The following FRMD6 variants were observed in gnomAD, a reference collection of about 807,000 sequenced individuals.
FRMD6 encodes the protein FERM domain containing 6, also known as FERM domain-containing protein 6.
A neutral mutation model predicts 73.2 loss-of-function variants in FRMD6; 37 were observed. That is an observed-to-expected ratio of 0.51 (90% confidence interval 0.39 to 0.66). The LOEUF is 0.66. Among genes scored for constraint, FRMD6 ranks in the 30% least tolerant of loss-of-function variants. FRMD6 has a pLI of 0.00. For missense variants in FRMD6, 714 were observed against 780.5 expected (o/e 0.91, Z 1.02); for synonymous variants, 273 against 282.2 (o/e 0.97, Z 0.33).
intron 1 of FRMD6, among the ~76,000 whole-genome samples, chr14:51,683,445 A>ATT (rs34525926): frequency 6.8e-6 from 1 of 146,340 alleles, no homozygotes; most frequent in Non-Finnish European, 1.5e-5. Context: ...ATGCTCAGCT[A>ATT]TTTTTTTTTT....
the FRMD6 span, among the ~76,000 whole-genome samples, chr14:51,447,332 C>A: frequency 6.6e-6 from 1 of 152,100 alleles, no homozygotes; most frequent in South Asian, 2.1e-4. Context: ...AGAGCTTTAT[C>A]AGCCTTGAAG....
chr14:51,520,667 GC>G (rs1002414486), intron 1 of FRMD6, among the ~76,000 whole-genome samples: 2 of 152,194 alleles, frequency 1.3e-5, no homozygotes, highest in African/African-American at 4.8e-5. Context: ...GAAGGCTGAG[GC>G]AGGTGGGTCC....
At chr14:51,598,657 T>A (rs1889851846) in intron 2 of FRMD6, among the ~76,000 whole-genome samples, 1 of 152,178 alleles carries the variant, frequency 6.6e-6, no homozygotes, top group African/African-American at 2.4e-5. Context: ...AGTGAGAACA[T>A]GTGGTATTTG....
chr14:51,593,314 T>C (rs1241950584), intron 2 of FRMD6, among the ~76,000 whole-genome samples: 1 of 152,236 alleles, frequency 6.6e-6, no homozygotes, highest in African/African-American at 2.4e-5. Flanking sequence ...AGAAACATGC[T>C]GACCTTCTTC....
At chr14:51,518,576 C>T (rs1274846839) in intron 1 of FRMD6, among the ~76,000 whole-genome samples, 2 of 152,220 alleles carry the variant, frequency 1.3e-5, no homozygotes, top group Admixed American at 6.5e-5. Context: ...GTACTAAATA[C>T]TATTATAATG....
At chr14:51,445,993 G>A in the FRMD6 span, among the ~76,000 whole-genome samples, 1 of 152,186 alleles carries the variant, frequency 6.6e-6, no homozygotes, top group Non-Finnish European at 1.5e-5. Context: ...AAATAAGGAG[G>A]CAGAAGCGTC....
At position 51,544,630 on chromosome 14, in the gene FRMD6, C is replaced by T. The variant is rs376875739; in HGVS notation, c.-209-25718C>T. On this transcript the variant is annotated intron_variant, in intron 1 of 14. Transcript: ENST00000356218. Reference sequence around the variant, plus strand: ...GCTTTCATGTCTATTATCTAGTGAACTCTGAGAGTTCTGCTGTGCAAAGAC... The same window carrying T: ...GCTTTCATGTCTATTATCTAGTGAATTCTGAGAGTTCTGCTGTGCAAAGAC... 7.9e-5 allele frequency among the ~76,000 whole-genome samples: 12 copies of T among 151,700 alleles called. No homozygotes were observed. The East Asian group carries it at 2.3e-3, about 29-fold the overall frequency.
intron 1 of FRMD6, among the ~76,000 whole-genome samples, chr14:51,532,366 C>T (rs1415364977): frequency 1.4e-5 from 1 of 72,080 alleles, no homozygotes; most frequent in Non-Finnish European, 2.3e-5. Context: ...GAGACTCCAT[C>T]TCAAAAAAAA....
At chr14:51,700,917 C>T in intron 3 of FRMD6, 139 bp from the exon 4 acceptor site, 2 of 441,592 alleles carry the variant, frequency 4.5e-6, no homozygotes, top group South Asian at 5.8e-5. Context: ...CTTCTAGTAT[C>T]TCTTTGGGTT....
chr14:51,444,397 C>T, the FRMD6 span, among the ~76,000 whole-genome samples: 18 of 152,258 alleles, frequency 1.2e-4, 1 homozygote, highest in East Asian at 2.1e-3. Context: ...CATGTGGTTG[C>T]GCTGAGAGTT....
intron 4 of FRMD6, 99 bp from the exon 5 acceptor site, chr14:51,702,412 CA>C: frequency 1.1e-6 from 1 of 944,390 alleles, no homozygotes; most frequent in South Asian, 1.4e-5. Context: ...TATCAGTGAT[CA>C]AAAAGTATCT....
the FRMD6 span, among the ~76,000 whole-genome samples, chr14:51,464,727 G>A: frequency 1.3e-5 from 2 of 152,208 alleles, no homozygotes; most frequent in Non-Finnish European, 2.9e-5. Flanking sequence ...AGAACGTAGA[G>A]TGGTAGTGAG....
At chr14:51,515,406 C>T (rs1264008455) in intron 1 of FRMD6, among the ~76,000 whole-genome samples, 1 of 152,216 alleles carries the variant, frequency 6.6e-6, no homozygotes, top group Admixed American at 6.5e-5. Context: ...CCCTGAACGT[C>T]AGTATATCTG....
chr14:51,481,393 A>G, the FRMD6 span, among the ~76,000 whole-genome samples: 1 of 152,212 alleles, frequency 6.6e-6, no homozygotes, highest in Non-Finnish European at 1.5e-5. Context: ...ACCCCTTATA[A>G]AACCATCAAC....
At chr14:51,481,959 A>G in the FRMD6 span, among the ~76,000 whole-genome samples, 644 of 152,312 alleles carry the variant, frequency 4.2e-3, 5 homozygotes, top group African/African-American at 0.014. Context: ...TGCATTTTAT[A>G]ATTTATAATT....
chr14:51,559,467 C>G (rs185989470), intron 1 of FRMD6, among the ~76,000 whole-genome samples: 1 of 151,406 alleles, frequency 6.6e-6, no homozygotes, highest in Non-Finnish European at 1.5e-5. Context: ...GTATATTCCA[C>G]GTTACTTTTT....
At chr14:51,500,846 G>GT (rs1883581784) in intron 1 of FRMD6, among the ~76,000 whole-genome samples, 2 of 152,170 alleles carry the variant, frequency 1.3e-5, no homozygotes, top group African/African-American at 4.8e-5. Context: ...CCCATACGGT[G>GT]AGCAGTACAG....
At chr14:51,652,544 G>A (rs1373855851) in intron 1 of FRMD6, among the ~76,000 whole-genome samples, 1 of 152,250 alleles carries the variant, frequency 6.6e-6, no homozygotes, top group Non-Finnish European at 1.5e-5. Flanking sequence ...CGCGCGCAGA[G>A]GCCGGACAGC....
intron 1 of FRMD6, among the ~76,000 whole-genome samples, chr14:51,676,065 A>G (rs969343712): frequency 6.6e-6 from 1 of 152,132 alleles, no homozygotes; most frequent in Admixed American, 6.6e-5. Flanking sequence ...CTGAAAAGAT[A>G]CTAGATTAAG....
Sources: allele counts gnomAD v4.1 joint callset (sites outside exome capture counted in the v4.1 genomes callset), GRCh38; gene constraint gnomAD v4.1.1; transcripts MANE v1.5; gene names NCBI Gene and HGNC (gene_info 2026-07-23, HGNC 2026-07-21).